PABPC4L: variants seen among roughly 807,000 people sequenced by gnomAD.
PABPC4L encodes poly(A) binding protein cytoplasmic 4 like, also known as polyadenylate-binding protein 4-like.
For missense variants in PABPC4L, 452 were observed against 451.4 expected, an observed-to-expected ratio of 1.00 and a Z score of -0.01; for synonymous variants, 169 against 164.1, an observed-to-expected ratio of 1.03 and a Z score of -0.23.
chr4:134,185,857 T>A, the PABPC4L span, among the ~76,000 whole-genome samples: 11 of 152,058 alleles, frequency 7.2e-5, no homozygotes, highest in African/African-American at 2.7e-4. Context: ...ACAAAACCAA[T>A]GTGCAAAAAT....
the PABPC4L span, among the ~76,000 whole-genome samples, chr4:134,137,986 C>T: frequency 6.6e-6 from 1 of 151,622 alleles, no homozygotes; most frequent in East Asian, 1.9e-4. Context: ...CATTACTGTA[C>T]CCATTCCACT....
the PABPC4L span, among the ~76,000 whole-genome samples, chr4:133,966,884 C>G: frequency 6.6e-6 from 1 of 152,072 alleles, no homozygotes; most frequent in South Asian, 2.1e-4. Flanking sequence ...AACATATTAG[C>G]AATGCAGACC....
chr4:133,995,570 G>T, the PABPC4L span, among the ~76,000 whole-genome samples: 1 of 152,068 alleles, frequency 6.6e-6, no homozygotes, highest in Non-Finnish European at 1.5e-5. Context: ...TCAACAAATG[G>T]CTCCTGAGGC....
At chr4:133,965,000 T>C in the PABPC4L span, among the ~76,000 whole-genome samples, 3 of 152,092 alleles carry the variant, frequency 2.0e-5, no homozygotes, top group African/African-American at 2.4e-5. Flanking sequence ...ATAAAGGACA[T>C]CTAAATTGGT....
At chr4:133,951,704 G>A in the PABPC4L span, among the ~76,000 whole-genome samples, 6 of 152,130 alleles carry the variant, frequency 3.9e-5, no homozygotes, top group Non-Finnish European at 5.9e-5. Flanking sequence ...GTTGGGATGA[G>A]GGCTTGCTTT....
chr4:133,973,510 C>G, the PABPC4L span, among the ~76,000 whole-genome samples: 3 of 152,080 alleles, frequency 2.0e-5, no homozygotes, highest in Non-Finnish European at 2.9e-5. Flanking sequence ...TTAATGTGCT[C>G]TAATCCCATT....
the PABPC4L span, among the ~76,000 whole-genome samples, chr4:133,992,213 T>G: frequency 6.6e-6 from 1 of 152,112 alleles, no homozygotes; most frequent in South Asian, 2.1e-4. Flanking sequence ...CAAATGGCAG[T>G]GGGAGTCTAA....
the PABPC4L span, among the ~76,000 whole-genome samples, chr4:133,980,218 A>G: frequency 6.6e-6 from 1 of 152,212 alleles, no homozygotes; most frequent in Non-Finnish European, 1.5e-5. Context: ...ATTATTCTAC[A>G]GGAACCAAAA....
chr4:134,100,407 C>T, the PABPC4L span, among the ~76,000 whole-genome samples: 4 of 151,580 alleles, frequency 2.6e-5, no homozygotes, highest in East Asian at 7.8e-4. Context: ...ATTTAAGATT[C>T]AATGAACTAA....
At chr4:134,044,300 G>A in the PABPC4L span, among the ~76,000 whole-genome samples, 3 of 152,130 alleles carry the variant, frequency 2.0e-5, no homozygotes, top group East Asian at 3.9e-4. Flanking sequence ...GTCTCACTCT[G>A]TCGCCCAGGC....
At chr4:134,069,569 C>T in the PABPC4L span, among the ~76,000 whole-genome samples, 2 of 152,056 alleles carry the variant, frequency 1.3e-5, no homozygotes, top group African/African-American at 4.8e-5. Flanking sequence ...AAGAACTGGT[C>T]TTTAAGCTCT....
the PABPC4L span, among the ~76,000 whole-genome samples, chr4:134,162,346 C>T: frequency 6.6e-6 from 1 of 152,040 alleles, no homozygotes; most frequent in African/African-American, 2.4e-5. Context: ...CCTAACTCTG[C>T]AGCTCCCAGA....
the PABPC4L span, among the ~76,000 whole-genome samples, chr4:134,055,865 T>C: frequency 6.6e-6 from 1 of 152,002 alleles, no homozygotes; most frequent in Admixed American, 6.6e-5. Context: ...TGGACCATGC[T>C]TTCAGTGTCA....
chr4:134,201,147 G>A lies in PABPC4L; in HGVS notation c.-128C>T. ...CTCGGGATCACCACACAAAGGCCAA[G>A]CAATGGAGTTCAGACACGACTCCCC... On this transcript the variant is annotated 5_prime_UTR_variant, in exon 2 of 2. Transcript: ENST00000421491. 1.3e-6 allele frequency: 2 copies of A among 1,549,992 alleles called. No homozygotes were observed. Among genetic ancestry groups the A allele is most frequent in the Non-Finnish European group, 1.7e-6 (2 of 1,146,674 alleles).
chr4:134,045,042 G>A, the PABPC4L span, among the ~76,000 whole-genome samples: 1 of 151,964 alleles, frequency 6.6e-6, no homozygotes, highest in African/African-American at 2.4e-5. Flanking sequence ...TTCTTCCAAG[G>A]ACAGTTTTAT....
the PABPC4L span, among the ~76,000 whole-genome samples, chr4:134,002,491 A>C: frequency 6.6e-6 from 1 of 151,996 alleles, no homozygotes; most frequent in Admixed American, 6.6e-5. Context: ...AATAATCCTA[A>C]CTTAACTGAA....
the PABPC4L span, among the ~76,000 whole-genome samples, chr4:134,044,518 C>G: frequency 6.6e-6 from 1 of 152,144 alleles, no homozygotes; most frequent in Admixed American, 6.5e-5. Context: ...CCCGCCTCAG[C>G]CTCCCAAAGT....
At chr4:134,193,108 C>G (rs949460040), downstream of PABPC4L, among the ~76,000 whole-genome samples, 1 of 152,008 alleles carries the variant, frequency 6.6e-6, no homozygotes, top group Non-Finnish European at 1.5e-5. Context: ...CTATAGTGTT[C>G]TAGTTTTGTG....
the PABPC4L span, among the ~76,000 whole-genome samples, chr4:134,033,456 A>G: frequency 6.6e-6 from 1 of 151,928 alleles, no homozygotes; most frequent in Non-Finnish European, 1.5e-5. Flanking sequence ...GCTATAAATA[A>G]TTAAGTTTTG....
Sources: gnomAD v4.1 joint callset for allele counts (sites outside exome capture counted in the v4.1 genomes callset) on GRCh38, gnomAD v4.1.1 for gene constraint, MANE v1.5 for transcripts, NCBI Gene and HGNC (gene_info 2026-07-23, HGNC 2026-07-21) for gene names.